Variants in ARL5A observed in about 807,000 individuals in gnomAD.
ARL5A encodes the protein ARF like GTPase 5A.
Under a neutral mutation model 25.9 loss-of-function variants are expected in ARL5A, and 18 were observed. That is an observed-to-expected ratio of 0.69 (90% confidence interval 0.48 to 1.03). The LOEUF (loss-of-function observed/expected upper bound fraction) is 1.03, where lower values mean the gene tolerates loss of function less well. Ranked by LOEUF, ARL5A falls within the 50% of genes least tolerant of loss-of-function variation. The probability of loss-of-function intolerance (pLI) is 0.00; values close to 1 mark genes in which losing one functional copy is unlikely to be tolerated. For synonymous variants in ARL5A, 61 were observed against 67.5 expected, an observed-to-expected ratio of 0.90 and a Z score of 0.47; for missense variants, 170 against 211.9, an observed-to-expected ratio of 0.80 and a Z score of 1.23.
chr2:151,807,234 C>T (rs1246683919), intron 4 of ARL5A, among the ~76,000 whole-genome samples: 1 of 152,130 alleles, frequency 6.6e-6, no homozygotes, highest in African/African-American at 2.4e-5. Context: ...CACCCACCCC[C>T]TAAATCCAAA....
Position 151,814,151 on chromosome 2 carries a change from T to C in ARL5A, c.255+18A>G, listed in dbSNP as rs112843255. On this transcript the variant is annotated intron_variant, in intron 3 of 5. Coordinates refer to ENST00000295087, the MANE Select transcript of ARL5A (RefSeq NM_012097.4). The stretch of plus-strand genomic sequence containing the variant: ...AGCATTCTGTTTATAGAATTTTAAA[T>C]ATTGTAAGAAACATTACCTCTGTGT... The C allele has an allele frequency of 5.2e-5, 80 of 1,544,068 alleles. 2 individuals are homozygous for C. In the African/African-American group the frequency reaches 6.6e-4, roughly 13 times the overall value.
At chr2:151,819,583 T>C (rs1226326961) in intron 1 of ARL5A, among the ~76,000 whole-genome samples, 1 of 152,188 alleles carries the variant, frequency 6.6e-6, no homozygotes, top group Non-Finnish European at 1.5e-5. Context: ...TATAGCCTCC[T>C]AAAATGATAG....
chr2:151,810,914 C>A lies in ARL5A; in HGVS notation c.339+1443G>T, dbSNP rs542196776. Among the ~76,000 whole-genome samples the A allele has an allele frequency of 6.6e-5, 10 of 152,002 alleles. 1 individual carries two copies. The highest frequency in any genetic ancestry group is 2.2e-4 in the African/African-American group (9 of 41,438). Reference sequence around the variant, plus strand: ...ACCCTTTGGAATAAACTGAAAAATGCTGCATTTTTGCAAAATAGGAATTTG... The same window carrying A: ...ACCCTTTGGAATAAACTGAAAAATGATGCATTTTTGCAAAATAGGAATTTG... On this transcript the variant is annotated intron_variant, in intron 4 of 5. Coordinates refer to ENST00000295087, the MANE Select transcript of ARL5A (RefSeq NM_012097.4).
At chr2:151,820,695 T>C (rs1315392966) in intron 1 of ARL5A, among the ~76,000 whole-genome samples, 1 of 126,798 alleles carries the variant, frequency 7.9e-6, no homozygotes, top group South Asian at 2.6e-4. Flanking sequence ...ACAGAATCCA[T>C]ATGTCTGGCA....
chr2:151,806,995 A>G (rs1356983955), intron 4 of ARL5A, 23 bp from the exon 5 acceptor site: 2 of 1,578,508 alleles, frequency 1.3e-6, no homozygotes, highest in Non-Finnish European at 8.6e-7. Context: ...ATAAAACTGT[A>G]AAGGCCAATA....
At chr2:151,828,029 C>T in intron 1 of ARL5A, 102 bp downstream of exon 1, 1 of 1,327,650 alleles carries the variant, frequency 7.5e-7, no homozygotes, top group Non-Finnish European at 1.1e-6. Flanking sequence ...GAGCTGGCGC[C>T]CGACCGAGCC....
chr2:151,805,065 T>C (rs2099829911), intron 5 of ARL5A, among the ~76,000 whole-genome samples: 1 of 152,202 alleles, frequency 6.6e-6, no homozygotes, highest in South Asian at 2.1e-4. Context: ...ATGTCAATCC[T>C]AGATGACGTG....
At chr2:151,806,775 T>G in intron 5 of ARL5A, 46 bp downstream of exon 5, 4 of 1,563,026 alleles carry the variant, frequency 2.6e-6, no homozygotes, top group Non-Finnish European at 3.5e-6. Context: ...TACATGTTAC[T>G]AAGCAAAATA....
chr2:151,824,962 T>TA (rs2099832840), intron 1 of ARL5A, among the ~76,000 whole-genome samples: 1 of 152,184 alleles, frequency 6.6e-6, no homozygotes, highest in South Asian at 2.1e-4. Context: ...TTGTAAAGAG[T>TA]AAATCAACTA....
chr2:151,824,593 A>G (rs2099832783), intron 1 of ARL5A, among the ~76,000 whole-genome samples: 1 of 152,224 alleles, frequency 6.6e-6, no homozygotes, highest in Non-Finnish European at 1.5e-5. Flanking sequence ...ATTCATACTT[A>G]TAATTCCTTT....
chr2:151,806,260 C>A (rs1194161507), intron 5 of ARL5A, among the ~76,000 whole-genome samples: 3 of 152,162 alleles, frequency 2.0e-5, no homozygotes, highest in Non-Finnish European at 4.4e-5. Context: ...ATTCCAGAAC[C>A]AAGGACCATC....
chr2:151,820,111 T>G (rs911338743), intron 1 of ARL5A, among the ~76,000 whole-genome samples: 3 of 152,132 alleles, frequency 2.0e-5, no homozygotes, highest in Non-Finnish European at 4.4e-5. Context: ...ATGGCAGAAA[T>G]TACTCATTCC....
chr2:151,803,610 C>T (rs1194103500), intron 5 of ARL5A, among the ~76,000 whole-genome samples: 2 of 152,240 alleles, frequency 1.3e-5, no homozygotes, highest in East Asian at 3.9e-4. Context: ...TGGGCTCAAG[C>T]GATCTCCCCA....
At chr2:151,812,551 T>C in intron 3 of ARL5A, 111 bp from the exon 4 acceptor site, 1 of 640,520 alleles carries the variant, frequency 1.6e-6, no homozygotes, top group South Asian at 3.1e-5. Flanking sequence ...TGGAATCTTA[T>C]GGTATTGTTG....
intron 3 of ARL5A, among the ~76,000 whole-genome samples, chr2:151,813,489 A>T (rs536152033): frequency 2.0e-5 from 3 of 152,376 alleles, no homozygotes; most frequent in Non-Finnish European, 4.4e-5. Flanking sequence ...TTATTAAAAA[A>T]TGATTAAATG....
rs540885325 is a variant in ARL5A, at chr2:151,799,078, T to C, written c.*4198A>G. Reference sequence around the variant, plus strand: ...GAAAGTTACTTTTTAGCATCCAAAATTGTAATTTCTGGCTTTCTTTCCTTT... The same window carrying C: ...GAAAGTTACTTTTTAGCATCCAAAACTGTAATTTCTGGCTTTCTTTCCTTT... On this transcript the variant is annotated 3_prime_UTR_variant, in exon 6 of 6. Coordinates refer to ENST00000295087, the MANE Select transcript of ARL5A (RefSeq NM_012097.4). 1 of 152,334 alleles carries C rather than the reference T, an allele frequency of 6.6e-6. No homozygotes were observed. Among genetic ancestry groups the C allele is most frequent in the South Asian group, 2.1e-4 (1 of 4,830 alleles). The allele number at this position is 152,334 out of a possible 1,614,324, so 9.4% of individuals were successfully genotyped here.
rs555084405 is a variant in ARL5A at position 151,820,694 on chromosome 2, A to G, written c.47-5495T>C. ...AAAAAAAAAAAAAAAAACAGAATCC[A>G]TATGTCTGGCATGGTGGAAAATGTT... On this transcript the variant is annotated intron_variant, in intron 1 of 5. Coordinates refer to ENST00000295087, the MANE Select transcript of ARL5A (RefSeq NM_012097.4). 3.0e-3 allele frequency among the ~76,000 whole-genome samples: 424 copies of G among 142,996 alleles called. 1 individual carries two copies. Among genetic ancestry groups the G allele is most frequent in the African/African-American group, 0.011 (412 of 39,106 alleles). The allele number at this position is 142,996 out of a possible 152,430, so 93.8% of individuals were successfully genotyped here.
intron 3 of ARL5A, 143 bp downstream of exon 3, chr2:151,814,026 T>C: frequency 3.0e-6 from 2 of 666,140 alleles, no homozygotes; most frequent in Non-Finnish European, 2.3e-6. Flanking sequence ...GACCTTGGAA[T>C]AGGAAATCAG....
intron 1 of ARL5A, among the ~76,000 whole-genome samples, chr2:151,817,992 G>A (rs1390012690): frequency 6.6e-6 from 1 of 152,176 alleles, no homozygotes; most frequent in African/African-American, 2.4e-5. Context: ...GGCAACAAGA[G>A]CGAAACCCCG....
Sources: gnomAD v4.1 joint callset for allele counts (sites outside exome capture counted in the v4.1 genomes callset) on GRCh38, gnomAD v4.1.1 for gene constraint, MANE v1.5 for transcripts, NCBI Gene and HGNC (gene_info 2026-07-23, HGNC 2026-07-21) for gene names.